Variants in AOPEP observed in about 807,000 individuals in gnomAD.
AOPEP encodes the protein aminopeptidase O (putative), also known as aminopeptidase O.
AOPEP carries 77 observed loss-of-function variants against 98.1 expected under a neutral mutation model. That is an observed-to-expected ratio of 0.78 (90% CI 0.65 to 0.95). The LOEUF (loss-of-function observed/expected upper bound fraction) is 0.95, where lower values mean the gene tolerates loss of function less well. Among genes scored for constraint, AOPEP ranks in the 40% least tolerant of loss-of-function variants. The pLI, the probability that AOPEP is intolerant of heterozygous loss-of-function variation, is 0.00. For missense variants in AOPEP, 1,024 were observed against 1,024.7 expected (o/e 1.00, Z 0.01); for synonymous variants, 346 against 365.3 (o/e 0.95, Z 0.60).
At chr9:94,933,365 G>GT in intron 7 of AOPEP, 1 of 985,388 alleles carries the variant, frequency 1.0e-6, no homozygotes, top group Non-Finnish European at 1.2e-6. Context: ...GAAATCTGTT[G>GT]TTTTTTTATT....
In AOPEP at chr9:95,005,554, A is replaced by T. The variant is rs1334060712; in HGVS notation, c.2053A>T (p.Ile685Phe). Residue 685 changes from isoleucine (I) to phenylalanine (F), a missense_variant, in exon 13 of 17, where the codon ATT (isoleucine) becomes TTT (phenylalanine). Physicochemically the swap from Ile to Phe is conservative, Grantham distance 21 (BLOSUM62 0). Around this residue, in one of 3 missense-constraint regions of AOPEP, gnomAD observed 566 missense variants for 551.7 expected, o/e 1.03. Transcript: ENST00000375315. ...RQVRAEVTKW[I>F]GVNRRPRKRK... ...TTTTGAACCTCAGGTCACGAAATGG[A>T]TTGGAGTGAACCGGAGACCCCGAAA... is the stretch of plus-strand genomic sequence containing the variant. 6.2e-7 allele frequency: 1 copy of T among 1,613,730 alleles called. No individual in the cohort carries two copies. Among genetic ancestry groups the T allele is most frequent in the Non-Finnish European group, 8.5e-7 (1 of 1,179,906 alleles).
chr9:94,908,959 G>T (rs1207973563), intron 5 of AOPEP, among the ~76,000 whole-genome samples: 1 of 152,104 alleles, frequency 6.6e-6, no homozygotes, highest in Admixed American at 6.5e-5. Context: ...ATGTTTTGAG[G>T]TGATTAGTCT....
intron 7 of AOPEP, among the ~76,000 whole-genome samples, chr9:94,946,298 T>C (rs2057617867): frequency 6.6e-6 from 1 of 152,206 alleles, no homozygotes; most frequent in South Asian, 2.1e-4. Context: ...CTTAAATATA[T>C]TCCGGGCTGT....
intron 10 of AOPEP, among the ~76,000 whole-genome samples, chr9:94,973,601 C>T (rs1280185832): frequency 1.3e-5 from 2 of 152,294 alleles, no homozygotes; most frequent in African/African-American, 2.4e-5. Flanking sequence ...TGTGGGGGTG[C>T]ACCAGGGAAC....
chr9:94,851,965 C>T (rs1254836668), intron 5 of AOPEP, among the ~76,000 whole-genome samples: 1 of 151,662 alleles, frequency 6.6e-6, no homozygotes, highest in Admixed American at 6.6e-5. Flanking sequence ...GTGACATAGC[C>T]AGAGGGAAAG....
At chr9:94,808,438 A>T (rs1159161133) in intron 5 of AOPEP, among the ~76,000 whole-genome samples, 1 of 152,200 alleles carries the variant, frequency 6.6e-6, no homozygotes, top group Non-Finnish European at 1.5e-5. Context: ...TTTTTAAAAA[A>T]AATTGAATAC....
chr9:95,035,827 AT>A (rs146176950), intron 13 of AOPEP, among the ~76,000 whole-genome samples: 42 of 147,292 alleles, frequency 2.9e-4, no homozygotes, highest in East Asian at 1.4e-3. Flanking sequence ...AGCCCAGATA[AT>A]TTTTTTTTTT....
intron 5 of AOPEP, among the ~76,000 whole-genome samples, chr9:94,922,058 G>A (rs1397880992): frequency 2.0e-5 from 3 of 152,148 alleles, no homozygotes; most frequent in Admixed American, 1.3e-4. Context: ...GGGAAGTGTG[G>A]TGCAGACAAC....
intron 12 of AOPEP, 102 bp downstream of exon 12, chr9:95,005,322 C>A: frequency 1.3e-6 from 1 of 745,938 alleles, no homozygotes. Flanking sequence ...GGTGCGGGGA[C>A]TACCCGCCAG....
chr9:95,072,639 T>C (rs2095541826), intron 14 of AOPEP, among the ~76,000 whole-genome samples: 1 of 152,164 alleles, frequency 6.6e-6, no homozygotes, highest in Non-Finnish European at 1.5e-5. Flanking sequence ...TCTTAAAAAA[T>C]ATTATTTTAA....
chr9:95,024,561 C>A (rs375119494), intron 13 of AOPEP, among the ~76,000 whole-genome samples: 157 of 152,310 alleles, frequency 1.0e-3, no homozygotes, highest in African/African-American at 3.5e-3. Flanking sequence ...ACCGACTGCC[C>A]AAGAGCTGGC....
chr9:94,949,774 C>A (rs114715198), intron 7 of AOPEP, among the ~76,000 whole-genome samples: 1 of 152,150 alleles, frequency 6.6e-6, no homozygotes, highest in Admixed American at 6.6e-5. Context: ...AAATTGTCAC[C>A]GAAAACAAAC....
intron 5 of AOPEP, among the ~76,000 whole-genome samples, chr9:94,899,633 C>G (rs1333327172): frequency 1.3e-5 from 2 of 151,512 alleles, no homozygotes; most frequent in African/African-American, 4.9e-5. Context: ...ACCTGTAGTC[C>G]CAGCTACTTG....
At chr9:94,737,881 G>A (rs1832133421) in intron 1 of AOPEP, among the ~76,000 whole-genome samples, 1 of 152,172 alleles carries the variant, frequency 6.6e-6, no homozygotes, top group Non-Finnish European at 1.5e-5. Flanking sequence ...AGGATGGAAT[G>A]TACTGCTCTG....
chr9:94,898,709 C>T (rs373822336), intron 5 of AOPEP, among the ~76,000 whole-genome samples: 13 of 149,398 alleles, frequency 8.7e-5, no homozygotes, highest in African/African-American at 2.5e-4. Context: ...TTTGGGAGGC[C>T]GAGGCGGGTG....
chr9:94,918,124 G>C (rs1048869030), intron 5 of AOPEP, among the ~76,000 whole-genome samples: 3 of 152,192 alleles, frequency 2.0e-5, no homozygotes, highest in Non-Finnish European at 2.9e-5. Context: ...GGGAGAGGTA[G>C]ACTTGTGTGT....
chr9:94,983,135 C>G lies in AOPEP; in HGVS notation c.1977+3708C>G, dbSNP rs148164629. Among the ~76,000 whole-genome samples, 11 of 152,292 alleles carry G rather than the reference C, an allele frequency of 7.2e-5. No individual in the cohort carries two copies. In the South Asian group the frequency reaches 8.3e-4, roughly 11 times the overall value. The stretch of plus-strand genomic sequence containing the variant: ...CTCCACCTCCCAGGTTCAAGTGATT[C>G]TTCTGCCTCAGCCTCCCTAGCAGCC... On this transcript the variant is annotated intron_variant, in intron 11 of 16. Transcript: ENST00000375315.
intron 5 of AOPEP, among the ~76,000 whole-genome samples, chr9:94,897,064 A>G (rs1356828212): frequency 1.2e-4 from 18 of 152,052 alleles, no homozygotes; most frequent in Admixed American, 1.2e-3. Context: ...GTACATGTAA[A>G]TATATATTTT....
At chr9:94,888,402 C>T (rs2136000472) in intron 5 of AOPEP, among the ~76,000 whole-genome samples, 1 of 151,756 alleles carries the variant, frequency 6.6e-6, no homozygotes, top group East Asian at 1.9e-4. Flanking sequence ...GGCCTATGTA[C>T]CCATCAGTCA....
Sources: gnomAD v4.1 joint callset for allele counts (sites outside exome capture counted in the v4.1 genomes callset) on GRCh38, gnomAD v4.1.1 for gene constraint, gnomAD v4.1.1 regional missense constraint, MANE v1.5 for transcripts, NCBI Gene and HGNC (gene_info 2026-07-23, HGNC 2026-07-21) for gene names.